Variants in STRN3 observed in about 807,000 individuals in gnomAD.
STRN3 encodes the protein striatin 3.
In STRN3, 29 loss-of-function variants were observed where a neutral mutation model predicts 95.6. The ratio of observed to expected loss-of-function variants is 0.30; its 90% CI spans 0.23 to 0.41. The LOEUF (loss-of-function observed/expected upper bound fraction) is 0.41. Among genes scored for constraint, STRN3 ranks in the 10% least tolerant of loss-of-function variants. The pLI, the probability that STRN3 is intolerant of heterozygous loss-of-function variation, is 1.00. For missense variants in STRN3, 890 were observed against 972.1 expected (o/e 0.92, Z 1.12); for synonymous variants, 331 against 357.6 (o/e 0.93, Z 0.84).
At chr14:30,929,974 A>AAAAAAAAAAAAAAAAAT (rs1566441515) in intron 7 of STRN3, among the ~76,000 whole-genome samples, 1 of 149,904 alleles carries the variant, frequency 6.7e-6, no homozygotes, top group African/African-American at 2.4e-5. Flanking sequence ...AAAAAAAAAA[A>AAAAAAAAAAAAAAAAAT]AAAAACTCAA....
At chr14:30,968,972 G>A (rs10872848) in intron 1 of STRN3, among the ~76,000 whole-genome samples, 98,806 of 152,042 alleles carry the variant, frequency 0.65, 32,937 homozygotes, top group Non-Finnish European at 0.73. Context: ...TTGTTTCAAA[G>A]GTTTAAGCAA....
intron 1 of STRN3, among the ~76,000 whole-genome samples, chr14:30,961,976 T>C (rs1055223811): frequency 8.0e-5 from 7 of 88,000 alleles, no homozygotes; most frequent in African/African-American, 2.3e-4. Flanking sequence ...CTCAGGCAGG[T>C]CCTTCAGGAA....
intron 8 of STRN3, among the ~76,000 whole-genome samples, chr14:30,927,093 C>T (rs1878217477): frequency 6.6e-6 from 1 of 151,940 alleles, no homozygotes; most frequent in Admixed American, 6.6e-5. Context: ...GGCCTGAGGC[C>T]AAGAGTTCGA....
At chr14:30,906,142 G>C (rs549355560) in intron 14 of STRN3, among the ~76,000 whole-genome samples, 1 of 152,260 alleles carries the variant, frequency 6.6e-6, no homozygotes, top group Non-Finnish European at 1.5e-5. Flanking sequence ...ATGGAATATG[G>C]AGCCAAGCTA....
chr14:31,021,057 C>T (rs1243555830), intron 1 of STRN3, among the ~76,000 whole-genome samples: 1 of 152,086 alleles, frequency 6.6e-6, no homozygotes, highest in African/African-American at 2.4e-5. Context: ...AGGCCATACG[C>T]AGGGGGAAGG....
At chr14:30,946,638 T>C (rs974736496) in intron 5 of STRN3, among the ~76,000 whole-genome samples, 3 of 151,566 alleles carry the variant, frequency 2.0e-5, no homozygotes, top group African/African-American at 4.8e-5. Context: ...TGGAGTGGGG[T>C]GGGAGGTGGC....
intron 1 of STRN3, among the ~76,000 whole-genome samples, chr14:31,002,117 G>A (rs542850951): frequency 4.8e-5 from 6 of 125,632 alleles, no homozygotes; most frequent in African/African-American, 1.8e-4. Flanking sequence ...AGTGAGCCGA[G>A]ATCATGACAT....
At chr14:30,958,372 A>T (rs972277706) in intron 1 of STRN3, among the ~76,000 whole-genome samples, 5 of 152,226 alleles carry the variant, frequency 3.3e-5, no homozygotes, top group African/African-American at 1.2e-4. Flanking sequence ...TACATATTTT[A>T]AAAATTTTTA....
At chr14:30,980,398 GTTTCTTTTTT>G (rs1274107675) in intron 1 of STRN3, among the ~76,000 whole-genome samples, 1 of 152,076 alleles carries the variant, frequency 6.6e-6, no homozygotes, top group East Asian at 1.9e-4. Context: ...ATGTTTCTTT[GTTTCTTTTTT>G]TTTCTTTTTT....
At chr14:30,995,832 C>T (rs1007265090) in intron 1 of STRN3, among the ~76,000 whole-genome samples, 3 of 152,078 alleles carry the variant, frequency 2.0e-5, no homozygotes, top group Non-Finnish European at 2.9e-5. Context: ...GCCCCATATC[C>T]CCTTTCAGGA....
chr14:30,930,299 TG>T (rs1878466545), intron 7 of STRN3, among the ~76,000 whole-genome samples: 1 of 152,104 alleles, frequency 6.6e-6, no homozygotes, highest in African/African-American at 2.4e-5. Flanking sequence ...CACTCTGACT[TG>T]TTAAGTTTTT....
At chr14:31,016,150 T>A (rs988693657) in intron 1 of STRN3, among the ~76,000 whole-genome samples, 1 of 152,168 alleles carries the variant, frequency 6.6e-6, no homozygotes, top group East Asian at 1.9e-4. Context: ...CATGTGGCAG[T>A]TTCTTACATA....
At chr14:30,958,503 A>T (rs947972662) in intron 1 of STRN3, among the ~76,000 whole-genome samples, 5 of 152,226 alleles carry the variant, frequency 3.3e-5, no homozygotes, top group African/African-American at 1.2e-4. Context: ...AATTCGTCAT[A>T]CACTTTTAAG....
At chr14:30,910,765 ATT>A (rs1351419558) in intron 13 of STRN3, among the ~76,000 whole-genome samples, 1 of 152,142 alleles carries the variant, frequency 6.6e-6, no homozygotes, top group African/African-American at 2.4e-5. Flanking sequence ...CTTAGATTAC[ATT>A]TTGTTTCCTC....
At chr14:30,933,105 T>C (rs946283533) in intron 7 of STRN3, among the ~76,000 whole-genome samples, 2 of 149,350 alleles carry the variant, frequency 1.3e-5, no homozygotes, top group African/African-American at 4.9e-5. Context: ...CCAAACTCCG[T>C]CTCTACAAAA....
intron 9 of STRN3, among the ~76,000 whole-genome samples, chr14:30,916,566 C>T (rs924226215): frequency 2.0e-5 from 3 of 151,778 alleles, no homozygotes; most frequent in Non-Finnish European, 2.9e-5. Context: ...TGAGCCACCG[C>T]GCCCGGCCTA....
intron 5 of STRN3, among the ~76,000 whole-genome samples, chr14:30,944,495 TATATATACATGTATATATACATA>T: frequency 6.7e-6 from 1 of 148,570 alleles, no homozygotes. Context: ...TATATACACA[TATATATACATGTATATATACATA>T]ATATATACAC....
chr14:31,003,141 A>G (rs1245304332), intron 1 of STRN3, among the ~76,000 whole-genome samples: 1 of 151,744 alleles, frequency 6.6e-6, no homozygotes, highest in Non-Finnish European at 1.5e-5. Context: ...GGGTGCCTGT[A>G]ATCCCAGCTA....
In STRN3 at chr14:30,905,441, A is replaced by G. The variant is rs1896436061; in HGVS notation, c.2006T>C (p.Ile669Thr). 1.2e-6 allele frequency: 2 copies of G among 1,603,974 alleles called. No homozygotes were observed. The highest frequency in any genetic ancestry group is 1.7e-6 in the Non-Finnish European group (2 of 1,176,702). Residue 669 changes from isoleucine to threonine, a missense_variant, in exon 15 of 18, where the codon ATA (isoleucine) becomes ACA (threonine). Ile to Thr is a moderately conservative substitution (Grantham distance 89, BLOSUM62 -1). This residue lies in a region of STRN3 where 357 missense variants were observed against 422.8 expected (regional missense o/e 0.84). Coordinates refer to ENST00000357479, the MANE Select transcript of STRN3 (RefSeq NM_001083893.2). ...YDLETSQSLV[I>T]LSSQVDSGLQ... is the part of the protein sequence containing the mutation. ...ACCAGAATCTACCTGTGATGAAAGTATCACCAATGACTGTGATGTTTCTAA... is the reference window on the plus strand; with the variant it reads ...ACCAGAATCTACCTGTGATGAAAGTGTCACCAATGACTGTGATGTTTCTAA...
Sources: allele counts gnomAD v4.1 joint callset (sites outside exome capture counted in the v4.1 genomes callset), GRCh38; gene constraint gnomAD v4.1.1; regional missense constraint gnomAD v4.1.1; transcripts MANE v1.5; gene names NCBI Gene and HGNC (gene_info 2026-07-23, HGNC 2026-07-21).